TRPM3: variants seen among roughly 807,000 people sequenced by gnomAD.
The protein encoded by TRPM3 is transient receptor potential cation channel subfamily M member 3, also known as long transient receptor potential channel 3.
A neutral mutation model predicts 181.2 loss-of-function variants in TRPM3; 77 were observed. The observed-to-expected ratio is 0.42, with a 90% CI of 0.35 to 0.51. The LOEUF is 0.51. Ranked by LOEUF, TRPM3 falls within the 20% of genes least tolerant of loss-of-function variation. TRPM3 has a pLI of 0.01. For missense variants in TRPM3, 1,759 were observed against 2,196.7 expected (o/e 0.80, Z 3.98); for synonymous variants, 745 against 796.4 (o/e 0.94, Z 1.09).
At chr9:70,995,076 T>C (rs1391419321) in intron 1 of TRPM3, among the ~76,000 whole-genome samples, 1 of 152,178 alleles carries the variant, frequency 6.6e-6, no homozygotes, top group Non-Finnish European at 1.5e-5. Context: ...ATTCCAGCCG[T>C]GTCTTCTCTC....
intron 1 of TRPM3, among the ~76,000 whole-genome samples, chr9:71,326,514 A>G (rs1480616842): frequency 2.6e-5 from 4 of 152,262 alleles, no homozygotes; most frequent in Non-Finnish European, 4.4e-5. Context: ...CTGGCTGAGC[A>G]TGAGTGTGCT....
At chr9:71,282,361 A>G (rs1402499813) in intron 1 of TRPM3, among the ~76,000 whole-genome samples, 7 of 128,316 alleles carry the variant, frequency 5.5e-5, no homozygotes, top group East Asian at 4.1e-4. Context: ...AAGAAAGAAA[A>G]AGAAAGAATG....
intron 1 of TRPM3, among the ~76,000 whole-genome samples, chr9:71,353,966 C>G (rs926722136): frequency 1.1e-4 from 16 of 152,310 alleles, no homozygotes; most frequent in African/African-American, 3.1e-4. Context: ...GAACCCAGCT[C>G]TTCTGTCTCC....
At chr9:71,070,387 G>A (rs1272440099) in intron 1 of TRPM3, among the ~76,000 whole-genome samples, 1 of 152,210 alleles carries the variant, frequency 6.6e-6, no homozygotes, top group Non-Finnish European at 1.5e-5. Flanking sequence ...GACTGTTCAA[G>A]AGCAGAGAAA....
intron 1 of TRPM3, among the ~76,000 whole-genome samples, chr9:71,401,027 G>A (rs7872955): frequency 0.024 from 3,609 of 151,650 alleles, 91 homozygotes; most frequent in African/African-American, 0.06. Context: ...GCAAAACCCC[G>A]TCTCTACTAA....
chr9:70,610,721 G>A lies in TRPM3; in HGVS notation c.2555C>T (p.Ser852Phe), dbSNP rs374114076. 6.8e-6 allele frequency: 11 copies of A among 1,613,980 alleles called. No homozygotes were observed. The highest frequency in any genetic ancestry group is 9.3e-6 in the Non-Finnish European group (11 of 1,180,006). ...TAMLGRNNGE[S>F]SRKKDEEEVQ... ...TTCCTCTTCATCCTTCTTCCTGGAG[G>A]ACTCCCCGTTGTTTCGTCCCAACAT... Residue 852 changes from serine to phenylalanine, a missense_variant, in exon 19 of 26, where the codon TCC becomes TTC. Around this residue, in one of 8 missense-constraint regions of TRPM3, gnomAD observed 114 missense variants for 134.8 expected, o/e 0.85. Coordinates refer to ENST00000677713, the MANE Select transcript of TRPM3 (RefSeq NM_001366145.2).
intron 1 of TRPM3, among the ~76,000 whole-genome samples, chr9:71,003,207 A>AAC (rs1554796528): frequency 4.1e-4 from 60 of 147,884 alleles, no homozygotes; most frequent in East Asian, 1.2e-3. Context: ...AAAAAAAAAA[A>AAC]AAAACACTTA....
At chr9:71,216,919 C>T (rs2079903564) in intron 1 of TRPM3, among the ~76,000 whole-genome samples, 1 of 147,680 alleles carries the variant, frequency 6.8e-6, no homozygotes, top group Non-Finnish European at 1.5e-5. Flanking sequence ...TTTGCACAAG[C>T]ATAGTCAGTG....
intron 7 of TRPM3, among the ~76,000 whole-genome samples, chr9:70,769,563 TCCCA>T (rs2079813700): frequency 6.6e-6 from 1 of 152,058 alleles, no homozygotes; most frequent in Admixed American, 6.6e-5. Flanking sequence ...GATTTAATCA[TCCCA>T]CAATGTAAAC....
intron 22 of TRPM3, among the ~76,000 whole-genome samples, chr9:70,588,833 A>T (rs1306268298): frequency 1.3e-5 from 2 of 152,224 alleles, no homozygotes; most frequent in Non-Finnish European, 2.9e-5. Context: ...TGAATATTAA[A>T]TCATTTGGAG....
chr9:71,024,756 A>G (rs2097878997), intron 1 of TRPM3, among the ~76,000 whole-genome samples: 1 of 152,260 alleles, frequency 6.6e-6, no homozygotes, highest in African/African-American at 2.4e-5. Context: ...ATTATCTGCC[A>G]GCAGCTCATT....
chr9:70,831,264 C>T (rs10780973), intron 5 of TRPM3, among the ~76,000 whole-genome samples: 105,346 of 151,994 alleles, frequency 0.69, 36,756 homozygotes, highest in Admixed American at 0.73. Flanking sequence ...CTGATCTTCC[C>T]GTTATGCTTT....
chr9:71,096,969 A>T (rs1158137431), intron 1 of TRPM3, among the ~76,000 whole-genome samples: 1 of 152,082 alleles, frequency 6.6e-6, no homozygotes, highest in Non-Finnish European at 1.5e-5. Context: ...ACCCTGGCTC[A>T]AAATTGCTGG....
intron 1 of TRPM3, among the ~76,000 whole-genome samples, chr9:70,940,871 G>T (rs1222281777): frequency 6.6e-6 from 1 of 152,198 alleles, no homozygotes. Context: ...CAAGGCTAGA[G>T]TGGTTGTGTC....
At chr9:71,093,515 T>G (rs1005913840) in intron 1 of TRPM3, among the ~76,000 whole-genome samples, 10 of 152,112 alleles carry the variant, frequency 6.6e-5, no homozygotes, top group African/African-American at 2.2e-4. Flanking sequence ...ATTAGTGAAA[T>G]ACAAATCAAA....
At chr9:70,800,888 A>G (rs1426007230) in intron 6 of TRPM3, among the ~76,000 whole-genome samples, 1 of 152,148 alleles carries the variant, frequency 6.6e-6, no homozygotes, top group Non-Finnish European at 1.5e-5. Context: ...GGTCAACTCT[A>G]TGGTTATTTC....
At chr9:70,962,013 A>G (rs1399775449) in intron 1 of TRPM3, among the ~76,000 whole-genome samples, 2 of 152,176 alleles carry the variant, frequency 1.3e-5, no homozygotes, top group Non-Finnish European at 2.9e-5. Flanking sequence ...TAGAAAACAA[A>G]TTATAAAGAT....
intron 22 of TRPM3, among the ~76,000 whole-genome samples, chr9:70,563,517 T>A (rs567698028): frequency 3.3e-4 from 50 of 152,312 alleles, no homozygotes; most frequent in African/African-American, 1.2e-3. Flanking sequence ...TACAGATGAT[T>A]GGAGCAGATT....
chr9:71,118,337 C>T (rs1386645798), intron 1 of TRPM3, among the ~76,000 whole-genome samples: 3 of 152,180 alleles, frequency 2.0e-5, no homozygotes, highest in Non-Finnish European at 4.4e-5. Context: ...ATAATAAGTA[C>T]ATTCCAACAC....
Sources: gnomAD v4.1 joint callset for allele counts (sites outside exome capture counted in the v4.1 genomes callset) on GRCh38, gnomAD v4.1.1 for gene constraint, gnomAD v4.1.1 regional missense constraint, MANE v1.5 for transcripts, NCBI Gene and HGNC (gene_info 2026-07-23, HGNC 2026-07-21) for gene names.